Variants in ACVR1B observed in about 807,000 individuals in gnomAD.
ACVR1B encodes the protein activin receptor type-1B.
In ACVR1B, 15 loss-of-function variants were observed where a neutral mutation model predicts 55.6. That is an observed-to-expected ratio of 0.27 (90% CI 0.18 to 0.42). The LOEUF is 0.42. Ranked by LOEUF, ACVR1B falls within the 10% of genes least tolerant of loss-of-function variation. The probability of loss-of-function intolerance (pLI) is 1.00; values close to 1 mark genes in which losing one functional copy is unlikely to be tolerated. For missense variants in ACVR1B, 359 were observed against 670.1 expected (o/e 0.54, Z 5.13); for synonymous variants, 247 against 254.6 (o/e 0.97, Z 0.28).
At position 51,975,515 on chromosome 12, in the gene ACVR1B, G is replaced by A. The variant is rs1390363732; in HGVS notation, c.331+11G>A. 8 of 1,603,320 alleles carry A rather than the reference G, an allele frequency of 5.0e-6. No individual in the cohort carries two copies. The South Asian group carries it at 7.7e-5, about 15-fold the overall frequency. On this transcript the variant is annotated intron_variant, in intron 2 of 8. Transcript: ENST00000257963. ...TGAGGGTGCCCAGTGGTGAGTGCAT[G>A]CCCTTGTTGGGCTAGTGGCTCAGCT... is the stretch of plus-strand genomic sequence containing the variant.
intron 3 of ACVR1B, among the ~76,000 whole-genome samples, chr12:51,977,571 ATAAACCATT>A (rs1416598723): frequency 6.7e-6 from 1 of 149,318 alleles, no homozygotes; most frequent in East Asian, 2.0e-4. Context: ...TTTAATGAAG[ATAAACCATT>A]ATTTTTGTGA....
At chr12:51,978,278 T>G (rs1941907493) in intron 3 of ACVR1B, among the ~76,000 whole-genome samples, 1 of 152,134 alleles carries the variant, frequency 6.6e-6, no homozygotes, top group African/African-American at 2.4e-5. Flanking sequence ...CAAAGTCTTT[T>G]TAAGACCCAG....
chr12:51,978,805 G>C (rs1941919010), intron 3 of ACVR1B, among the ~76,000 whole-genome samples: 1 of 148,876 alleles, frequency 6.7e-6, no homozygotes, highest in Admixed American at 6.7e-5. Context: ...ACTCCAGCCT[G>C]GGCAACAGAG....
intron 1 of ACVR1B, among the ~76,000 whole-genome samples, chr12:51,963,480 C>T (rs1941578512): frequency 6.6e-6 from 1 of 152,190 alleles, no homozygotes; most frequent in Non-Finnish European, 1.5e-5. Flanking sequence ...GTAAGTGATC[C>T]ACCCACCTCG....
At chr12:51,971,029 T>A (rs1200934488) in intron 1 of ACVR1B, among the ~76,000 whole-genome samples, 1 of 152,152 alleles carries the variant, frequency 6.6e-6, no homozygotes, top group African/African-American at 2.4e-5. Context: ...GGTGAGGGTC[T>A]GAGGCGGGAT....
At chr12:51,987,045 T>C in intron 7 of ACVR1B, 103 bp downstream of exon 7, 2 of 1,493,338 alleles carry the variant, frequency 1.3e-6, no homozygotes, top group South Asian at 2.3e-5. Context: ...GTTGGATGCC[T>C]GTTGCCAGAG....
At chr12:51,964,395 G>A (rs113196147) in intron 1 of ACVR1B, among the ~76,000 whole-genome samples, 236 of 152,248 alleles carry the variant, frequency 1.6e-3, no homozygotes, top group Non-Finnish European at 2.7e-3. Context: ...TATGATTTGC[G>A]TATATTTTCT....
intron 3 of ACVR1B, among the ~76,000 whole-genome samples, chr12:51,978,226 T>G (rs7133618): frequency 6.6e-6 from 1 of 152,136 alleles, no homozygotes; most frequent in East Asian, 1.9e-4. Flanking sequence ...TGGCTGACTG[T>G]GGGAATTGAT....
At chr12:51,988,816 C>G (rs1393758376) in intron 7 of ACVR1B, among the ~76,000 whole-genome samples, 2 of 152,174 alleles carry the variant, frequency 1.3e-5, no homozygotes, top group African/African-American at 4.8e-5. Flanking sequence ...AAGTCCAATT[C>G]TCTATTTAAA....
chr12:51,988,482 AAACT>A (rs1942123690), intron 7 of ACVR1B, among the ~76,000 whole-genome samples: 2 of 152,202 alleles, frequency 1.3e-5, no homozygotes, highest in Non-Finnish European at 1.5e-5. Flanking sequence ...AAAAACAAAC[AAACT>A]AAGAAAAATC....
intron 4 of ACVR1B, among the ~76,000 whole-genome samples, chr12:51,981,861 AG>A (rs1774973604): frequency 6.8e-6 from 1 of 147,912 alleles, no homozygotes; most frequent in African/African-American, 2.6e-5. Flanking sequence ...AAAAAAAAAA[AG>A]AAAAAAAAAA....
At chr12:51,953,608 AAGG>A in intron 1 of ACVR1B, 3 of 793,040 alleles carry the variant, frequency 3.8e-6, no homozygotes, top group Non-Finnish European at 4.6e-6. Context: ...AAAAAAAAAA[AAGG>A]GAGATTGAAC....
intron 2 of ACVR1B, 79 bp downstream of exon 2, chr12:51,975,583 C>T (rs1941833114): frequency 2.0e-6 from 3 of 1,530,372 alleles, no homozygotes; most frequent in Non-Finnish European, 2.7e-6. Context: ...TCTACTCTTG[C>T]CCACTCACTT....
intron 7 of ACVR1B, among the ~76,000 whole-genome samples, chr12:51,991,075 T>C (rs1393826785): frequency 6.6e-6 from 1 of 152,188 alleles, no homozygotes; most frequent in African/African-American, 2.4e-5. Flanking sequence ...CCCCTACATA[T>C]GTATTTGGTT....
intron 1 of ACVR1B, among the ~76,000 whole-genome samples, chr12:51,955,477 T>G (rs1481917818): frequency 6.6e-6 from 1 of 152,254 alleles, no homozygotes; most frequent in Non-Finnish European, 1.5e-5. Flanking sequence ...GGTTGCAGTC[T>G]GTTCTCATAA....
At chr12:51,962,357 A>G (rs771120092) in intron 1 of ACVR1B, among the ~76,000 whole-genome samples, 2 of 151,798 alleles carry the variant, frequency 1.3e-5, no homozygotes, top group Non-Finnish European at 2.9e-5. Flanking sequence ...TTACCAGTAC[A>G]TTTGTTGTTG....
At chr12:51,988,129 T>C (rs1450974287) in intron 7 of ACVR1B, among the ~76,000 whole-genome samples, 1 of 152,278 alleles carries the variant, frequency 6.6e-6, no homozygotes, top group African/African-American at 2.4e-5. Flanking sequence ...GCCCAGGTAG[T>C]ATTCATGGAA....
rs7962469 is a variant in ACVR1B at position 51,954,475 on chromosome 12, A to G, written c.91+2641A>G. Among the ~76,000 whole-genome samples, 78,733 of 152,120 alleles carry G rather than the reference A, an allele frequency of 0.52. 23,081 individuals are homozygous for G. Among genetic ancestry groups the G allele is most frequent in the East Asian group, 0.69 (3,591 of 5,186 alleles). The stretch of plus-strand genomic sequence containing the variant: ...AATTTTGTGAGCGGACTAAAAATCT[A>G]ATTTCAAGCCAAGCCTTGTAATTTT... On this transcript the variant is annotated intron_variant, in intron 1 of 8. Transcript: ENST00000257963.
chr12:51,976,612 C>T (rs776231490), intron 3 of ACVR1B, 37 bp downstream of exon 3: 1 of 1,607,158 alleles, frequency 6.2e-7, no homozygotes, highest in Non-Finnish European at 8.5e-7. Flanking sequence ...CTGTGGTTGG[C>T]TTTCATCAGT....
Sources: allele counts gnomAD v4.1 joint callset (sites outside exome capture counted in the v4.1 genomes callset), GRCh38; gene constraint gnomAD v4.1.1; transcripts MANE v1.5; gene names NCBI Gene and HGNC (gene_info 2026-07-23, HGNC 2026-07-21).